The following ORC5 variants were observed in gnomAD, a reference collection of about 807,000 sequenced individuals.
The protein encoded by ORC5 is origin recognition complex subunit 5.
A neutral mutation model predicts 58.8 loss-of-function variants in ORC5; 39 were observed. That is an observed-to-expected ratio of 0.66 (90% CI 0.51 to 0.87). The LOEUF (loss-of-function observed/expected upper bound fraction) is 0.87, where lower values mean the gene tolerates loss of function less well. ORC5 is among the 40% of genes least tolerant of loss of function. The probability of loss-of-function intolerance (pLI) is 0.00; values close to 1 mark genes in which losing one functional copy is unlikely to be tolerated. For missense variants in ORC5, 493 were observed against 506.3 expected (o/e 0.97, Z 0.25); for synonymous variants, 218 against 177.6 (o/e 1.23, Z -1.81).
In ORC5 at chr7:104,136,860, G is replaced by A. The variant is rs760353813; in HGVS notation, c.1183C>T (p.Leu395=). 1 of 1,613,862 alleles carries A rather than the reference G, an allele frequency of 6.2e-7. No individual in the cohort carries two copies. The highest frequency in any genetic ancestry group is 1.1e-5 in the South Asian group (1 of 91,076). Residue 395 remains leucine, a synonymous_variant, in exon 13 of 14, where the codon CTG becomes TTG. Coordinates refer to ENST00000297431, the MANE Select transcript of ORC5 (RefSeq NM_002553.4). This position sits in a 1 kb window ranked among gnomAD's most constrained non-coding sequence, Gnocchi z 4.2. ...TSLVTLQLLT[L]VGHDDQLDGP... Reference sequence around the variant, plus strand: ...TCAAGCTGATCGTCATGGCCAACCAGGGTTAACAGCTGAAGGGTCACTAGA... The same window carrying A: ...TCAAGCTGATCGTCATGGCCAACCAAGGTTAACAGCTGAAGGGTCACTAGA...
At chr7:104,165,410 T>G in intron 10 of ORC5, 128 bp from the exon 11 acceptor site, 1 of 606,222 alleles carries the variant, frequency 1.6e-6, no homozygotes. Flanking sequence ...ATAGTTATTC[T>G]TCTTATCACC....
chr7:104,148,737 T>A (rs1200549704), intron 12 of ORC5, among the ~76,000 whole-genome samples: 1 of 152,164 alleles, frequency 6.6e-6, no homozygotes, highest in African/African-American at 2.4e-5. Context: ...AAGGTTTAAT[T>A]TTTAAAAGGT....
intron 6 of ORC5, 176 bp from the exon 7 acceptor site, chr7:104,184,347 C>T (rs569449062): frequency 8.6e-6 from 5 of 579,084 alleles, no homozygotes; most frequent in Non-Finnish European, 1.5e-5. Context: ...ACTCAGGAGG[C>T]TGAGGCAGGG....
At chr7:104,198,927 G>A (rs1313814150) in intron 3 of ORC5, among the ~76,000 whole-genome samples, 1 of 152,232 alleles carries the variant, frequency 6.6e-6, no homozygotes, top group African/African-American at 2.4e-5. Context: ...GCTAAAAGGG[G>A]CCAGCGTATA....
intron 8 of ORC5, 146 bp from the exon 9 acceptor site, chr7:104,168,671 T>TTTTTTTTTTTTTTTTTTTTTTTTTTTGAG: frequency 2.1e-6 from 1 of 475,956 alleles, no homozygotes; most frequent in Non-Finnish European, 3.7e-6. Flanking sequence ...AACATGTTTG[T>TTTTTTTTTTTTTTTTTTTTTTTTTTTGAG]ACCTGTACAA....
chr7:104,152,823 C>A (rs1019540308), intron 12 of ORC5, among the ~76,000 whole-genome samples: 10 of 152,070 alleles, frequency 6.6e-5, no homozygotes, highest in Admixed American at 5.2e-4. Context: ...AAATAAAGTA[C>A]CAATGTATTA....
At position 104,133,387 on chromosome 7, in the gene ORC5, G is replaced by T. The variant is rs759184035; in HGVS notation, c.1262+3394C>A. 1.2e-4 allele frequency among the ~76,000 whole-genome samples: 19 copies of T among 152,032 alleles called. No homozygotes were observed. Among genetic ancestry groups the T allele is most frequent in the South Asian group, 4.2e-4 (2 of 4,808 alleles). On this transcript the variant is annotated intron_variant, in intron 13 of 13. Coordinates refer to ENST00000297431, the MANE Select transcript of ORC5 (RefSeq NM_002553.4). The surrounding 1 kb of genome is among the most constrained non-coding windows in gnomAD (Gnocchi z 4.7). ...GGACTAATGGTTAAATATTAGGAGT[G>T]GGGGAGAGAGAGATGTCAAGAAGGA...
In ORC5 at chr7:104,198,774, C is replaced by T. The variant is rs184618107; in HGVS notation, c.367-975G>A. Among the ~76,000 whole-genome samples, 28 of 152,312 alleles carry T rather than the reference C, an allele frequency of 1.8e-4. No homozygotes were observed. The East Asian group carries it at 3.9e-3, about 21-fold the overall frequency. On this transcript the variant is annotated intron_variant, in intron 3 of 13. Transcript: ENST00000297431. ...AGCCAAATGTTAACAGCCAAGACAA[C>T]GGGGAAAATGTCTCCAAGGTCTTCA...
At chr7:104,144,163 A>G (rs1452984118) in intron 12 of ORC5, among the ~76,000 whole-genome samples, 1 of 152,166 alleles carries the variant, frequency 6.6e-6, no homozygotes, top group Non-Finnish European at 1.5e-5. Context: ...AAATGTACCA[A>G]ATATTTAAAG....
In ORC5 at chr7:104,206,254, A is replaced by G. The variant is rs1258330756; in HGVS notation, c.72+1579T>C. 2.6e-5 allele frequency among the ~76,000 whole-genome samples: 4 copies of G among 152,382 alleles called. No homozygotes were observed. In the East Asian group the frequency reaches 7.7e-4, roughly 29 times the overall value. ...TAAATATTTATTTATTGAACAAATA[A>G]ATGAGTATTCTTAGAAACATGAACC... is the stretch of plus-strand genomic sequence containing the variant. On this transcript the variant is annotated intron_variant, in intron 1 of 13. Coordinates refer to ENST00000297431, the MANE Select transcript of ORC5 (RefSeq NM_002553.4).
intron 12 of ORC5, among the ~76,000 whole-genome samples, chr7:104,156,017 A>C (rs2115830111): frequency 6.6e-6 from 1 of 151,898 alleles, no homozygotes; most frequent in East Asian, 1.9e-4. Context: ...TTTAGAAAGA[A>C]TACCTATAAA....
chr7:104,151,463 C>T (rs191051753), intron 12 of ORC5, among the ~76,000 whole-genome samples: 47 of 152,144 alleles, frequency 3.1e-4, no homozygotes, highest in African/African-American at 9.4e-4. Flanking sequence ...GAAAATGAGA[C>T]GGTTCAGAGA....
chr7:104,142,105 CTT>C (rs1416637727), intron 12 of ORC5, among the ~76,000 whole-genome samples: 3 of 152,158 alleles, frequency 2.0e-5, no homozygotes, highest in African/African-American at 7.2e-5. Flanking sequence ...GTCAACTAAT[CTT>C]TGACAAGGGT....
chr7:104,195,962 TTAGA>T (rs1016899745), intron 4 of ORC5, among the ~76,000 whole-genome samples: 36 of 152,128 alleles, frequency 2.4e-4, no homozygotes, highest in African/African-American at 7.0e-4. Flanking sequence ...TTCCCTTTAC[TTAGA>T]TAAATACTTA....
chr7:104,128,795 A>G (rs896170935), intron 13 of ORC5, among the ~76,000 whole-genome samples: 2 of 150,704 alleles, frequency 1.3e-5, no homozygotes, highest in Admixed American at 6.7e-5. Context: ...GGCAAGTGGT[A>G]TTTGTACATC....
chr7:104,158,862 A>G (rs1006540202), intron 12 of ORC5, among the ~76,000 whole-genome samples: 2 of 151,922 alleles, frequency 1.3e-5, no homozygotes, highest in Admixed American at 1.3e-4. Context: ...AAATAGGAAC[A>G]CTTTTACACT....
intron 12 of ORC5, among the ~76,000 whole-genome samples, 169 bp downstream of exon 12, chr7:104,160,903 C>T (rs931296904): frequency 6.6e-6 from 1 of 152,054 alleles, no homozygotes; most frequent in Non-Finnish European, 1.5e-5. Context: ...GTGATACCCC[C>T]AAAGATTCTA....
At chr7:104,169,085 A>C (rs1799161224) in intron 8 of ORC5, among the ~76,000 whole-genome samples, 1 of 152,206 alleles carries the variant, frequency 6.6e-6, no homozygotes, top group South Asian at 2.1e-4. Context: ...CTTTAAAAAA[A>C]ACAACAACAA....
chr7:104,146,690 C>T (rs752028389), intron 12 of ORC5, among the ~76,000 whole-genome samples: 6 of 152,108 alleles, frequency 3.9e-5, no homozygotes, highest in East Asian at 1.9e-4. Flanking sequence ...GTGAGTATCA[C>T]GGAGAATCCT....
Sources: allele counts gnomAD v4.1 joint callset (sites outside exome capture counted in the v4.1 genomes callset), GRCh38; gene constraint gnomAD v4.1.1; non-coding constraint Gnocchi (gnomAD v3.1); transcripts MANE v1.5; gene names NCBI Gene and HGNC (gene_info 2026-07-23, HGNC 2026-07-21).